Variants in HSP90AA1 observed in about 807,000 individuals in gnomAD.
The protein encoded by HSP90AA1 is heat shock protein 90 alpha family class A member 1.
In HSP90AA1, 18 loss-of-function variants were observed where a neutral mutation model predicts 73.3. That is an observed-to-expected ratio of 0.25 (90% confidence interval 0.17 to 0.36). The LOEUF is 0.36. HSP90AA1 is among the 10% of genes least tolerant of loss of function. HSP90AA1 has a pLI of 1.00. For missense variants in HSP90AA1, 704 were observed against 874.2 expected (o/e 0.81, Z 2.45); for synonymous variants, 477 against 296.9 (o/e 1.61, Z -6.24).
intron 1 of HSP90AA1, among the ~76,000 whole-genome samples, chr14:102,135,146 T>C (rs1472538827): frequency 5.7e-4 from 75 of 131,938 alleles, no homozygotes; most frequent in Middle Eastern, 4.9e-3. Context: ...AGAGTGCCGA[T>C]TGGTGTATTT....
chr14:102,099,413 C>G (rs774977382), intron 2 of HSP90AA1, among the ~76,000 whole-genome samples: 17 of 152,170 alleles, frequency 1.1e-4, no homozygotes, highest in Non-Finnish European at 1.9e-4. Context: ...ACAAAATTAG[C>G]CAGGTGCGGT....
At chr14:102,104,495 G>A (rs2049536762) in intron 1 of HSP90AA1, among the ~76,000 whole-genome samples, 1 of 152,214 alleles carries the variant, frequency 6.6e-6, no homozygotes, top group Admixed American at 6.6e-5. Flanking sequence ...CTACAGGTGT[G>A]AGCCACTGCG....
At chr14:102,116,038 G>A (rs2049701982) in intron 1 of HSP90AA1, among the ~76,000 whole-genome samples, 1 of 148,452 alleles carries the variant, frequency 6.7e-6, no homozygotes, top group Non-Finnish European at 1.5e-5. Context: ...TGCAAGCTCT[G>A]CCTCCCGGGT....
chr14:102,085,707 G>T (rs371171581), intron 3 of HSP90AA1, 51 bp downstream of exon 3: 2 of 1,612,066 alleles, frequency 1.2e-6, no homozygotes, highest in South Asian at 2.2e-5. Context: ...AAGGGTTGCA[G>T]CACCCCACCC....
chr14:102,089,362 TCTTC>T (rs1382275275), upstream of HSP90AA1, among the ~76,000 whole-genome samples: 1 of 152,174 alleles, frequency 6.6e-6, no homozygotes, highest in Non-Finnish European at 1.5e-5. Flanking sequence ...TAATGTCCCT[TCTTC>T]CTTCCACAAC....
chr14:102,081,898 C>A, intron 10 of HSP90AA1, 77 bp from the exon 11 acceptor site: 1 of 828,742 alleles, frequency 1.2e-6, no homozygotes, highest in Non-Finnish European at 2.2e-6. Flanking sequence ...TGGTTTCTAT[C>A]TGCTTTCAAG....
upstream of HSP90AA1, among the ~76,000 whole-genome samples, chr14:102,088,128 T>C (rs1056405907): frequency 6.6e-6 from 1 of 152,082 alleles, no homozygotes; most frequent in Admixed American, 6.5e-5. Flanking sequence ...CACACCTGTC[T>C]AGTTTTTGTA....
intron 1 of HSP90AA1, among the ~76,000 whole-genome samples, chr14:102,104,827 T>C (rs1441299784): frequency 6.6e-6 from 1 of 151,830 alleles, no homozygotes. Flanking sequence ...GAGAACATGT[T>C]GTATTTGTCT....
intron 2 of HSP90AA1, among the ~76,000 whole-genome samples, chr14:102,097,266 A>G (rs1468424689): frequency 2.6e-5 from 4 of 151,810 alleles, no homozygotes; most frequent in Admixed American, 2.0e-4. Flanking sequence ...GATTACAGGT[A>G]TGAGCCACCG....
intron 1 of HSP90AA1, among the ~76,000 whole-genome samples, chr14:102,135,885 C>T (rs552957228): frequency 6.6e-6 from 1 of 152,334 alleles, no homozygotes; most frequent in Admixed American, 6.5e-5. Context: ...TTCCCGCTCT[C>T]GCCTCTCCCT....
At chr14:102,117,298 G>A (rs1456201083) in intron 1 of HSP90AA1, among the ~76,000 whole-genome samples, 1 of 151,496 alleles carries the variant, frequency 6.6e-6, no homozygotes, top group Non-Finnish European at 1.5e-5. Flanking sequence ...GGGCCTGAAG[G>A]CTGGGGGCCA....
upstream of HSP90AA1, among the ~76,000 whole-genome samples, chr14:102,089,039 G>C (rs752173336): frequency 1.3e-4 from 20 of 151,802 alleles, 1 homozygote; most frequent in Non-Finnish European, 2.9e-4. Flanking sequence ...TCCTGCCTTA[G>C]CCTCCCGAGT....
At chr14:102,134,412 G>C (rs550541729) in intron 1 of HSP90AA1, among the ~76,000 whole-genome samples, 18 of 151,980 alleles carry the variant, frequency 1.2e-4, no homozygotes, top group African/African-American at 4.1e-4. Flanking sequence ...AGGCTGAGAA[G>C]TGCTGGTGTA....
At chr14:102,113,212 C>T (rs1378828696) in intron 1 of HSP90AA1, among the ~76,000 whole-genome samples, 1 of 151,886 alleles carries the variant, frequency 6.6e-6, no homozygotes, top group Non-Finnish European at 1.5e-5. Context: ...TTAGTAGAGA[C>T]ACGGTTTCAC....
chr14:102,118,002 T>C (rs533334135), intron 1 of HSP90AA1, among the ~76,000 whole-genome samples: 1 of 152,338 alleles, frequency 6.6e-6, no homozygotes, highest in East Asian at 1.9e-4. Flanking sequence ...TGCTGGCACC[T>C]GGAGCTGCCT....
At chr14:102,125,067 C>A (rs1462135164) in intron 1 of HSP90AA1, among the ~76,000 whole-genome samples, 4 of 152,204 alleles carry the variant, frequency 2.6e-5, no homozygotes, top group Admixed American at 6.6e-5. Flanking sequence ...TCACAGCTCA[C>A]TGAAGCCTCA....
chr14:102,084,526 A>C lies in HSP90AA1; in HGVS notation c.1020T>G (p.Leu340=). ...SVEGQLEFRA[L]LFVPRRAPFD... is the part of the protein sequence containing the mutation. ...AAGGAGCACGTCGTGGGACAAATAG[A>C]AGGGCTCTGAATTCCAACTGTCCTT... The change falls in exon 6 of 11, where the codon CTT becomes CTG. Residue 340 remains leucine, a synonymous_variant. Transcript: ENST00000216281. 6.2e-7 allele frequency: 1 copy of C among 1,614,218 alleles called. No individual in the cohort carries two copies. Among genetic ancestry groups the C allele is most frequent in the Non-Finnish European group, 8.5e-7 (1 of 1,180,020 alleles).
intron 4 of HSP90AA1, 93 bp from the exon 5 acceptor site, chr14:102,085,091 A>G (rs2049193971): frequency 1.3e-6 from 2 of 1,599,120 alleles, no homozygotes; most frequent in Admixed American, 3.4e-5. Context: ...CCCAAGTCTA[A>G]ATTAGCCAAC....
Position 102,081,072 on chromosome 14 carries a change from A to T in HSP90AA1, c.*640T>A, listed in dbSNP as rs777749650. 1.3e-5 allele frequency: 3 copies of T among 228,144 alleles called. No individual in the cohort carries two copies. Among genetic ancestry groups the T allele is most frequent in the Non-Finnish European group, 2.6e-5 (3 of 115,088 alleles). The allele number at this position is 228,144 out of a possible 1,614,324, so 14.1% of individuals were successfully genotyped here. ...ATCTTTTAACTCATCTGTATTTGTT[A>T]CAACTTTAAGCAGAATGTGACTCGA... On this transcript the variant is annotated 3_prime_UTR_variant, in exon 11 of 11. Coordinates refer to ENST00000216281, the MANE Select transcript of HSP90AA1 (RefSeq NM_005348.4).
Sources: allele counts gnomAD v4.1 joint callset (sites outside exome capture counted in the v4.1 genomes callset), GRCh38; gene constraint gnomAD v4.1.1; transcripts MANE v1.5; gene names NCBI Gene and HGNC (gene_info 2026-07-23, HGNC 2026-07-21).